The following GPC6 variants were observed in gnomAD, a reference collection of about 807,000 sequenced individuals.
GPC6 encodes glypican 6, also known as glypican-6.
In GPC6, 14 loss-of-function variants were observed where a neutral mutation model predicts 55.2. That is an observed-to-expected ratio of 0.25 (90% confidence interval 0.17 to 0.40). The LOEUF (loss-of-function observed/expected upper bound fraction) is 0.40. GPC6 is among the 10% of genes least tolerant of loss of function. GPC6 has a pLI of 1.00. For missense variants in GPC6, 641 were observed against 708.5 expected (o/e 0.90, Z 1.08); for synonymous variants, 278 against 259.6 (o/e 1.07, Z -0.68).
At chr13:93,638,165 T>C (rs1270886573) in intron 2 of GPC6, among the ~76,000 whole-genome samples, 1 of 152,098 alleles carries the variant, frequency 6.6e-6, no homozygotes, top group Non-Finnish European at 1.5e-5. Flanking sequence ...AATGTTCTTA[T>C]CACACTGCTG....
At chr13:93,507,094 C>A (rs1475574043) in intron 1 of GPC6, among the ~76,000 whole-genome samples, 2 of 142,266 alleles carry the variant, frequency 1.4e-5, no homozygotes, top group Non-Finnish European at 3.0e-5. Flanking sequence ...AAAAAAAGCC[C>A]GGAGTATATT....
intron 2 of GPC6, among the ~76,000 whole-genome samples, chr13:93,765,289 G>GTCTGGAAAGACAACTTTCCAGATAAA (rs1885089355): frequency 6.9e-5 from 8 of 115,762 alleles, no homozygotes; most frequent in African/African-American, 1.7e-4. Context: ...TTCCAGATAA[G>GTCTGGAAAGACAACTTTCCAGATAAA]CTGTCTGGAA....
At position 93,871,989 on chromosome 13, in the gene GPC6, A is replaced by C. The variant is rs546956593; in HGVS notation, c.711+41444A>C. Among the ~76,000 whole-genome samples the C allele has an allele frequency of 4.6e-5, 7 of 152,116 alleles. 1 individual carries two copies. In the South Asian group the frequency reaches 1.0e-3, roughly 22 times the overall value. On this transcript the variant is annotated intron_variant, in intron 3 of 8. Coordinates refer to ENST00000377047, the MANE Select transcript of GPC6 (RefSeq NM_005708.5). ...CTAGATAAGAGGCACAAAAGAAATAAATAAAACAAGTTTTCAGACTGATTG... is the reference window on the plus strand; with the variant it reads ...CTAGATAAGAGGCACAAAAGAAATACATAAAACAAGTTTTCAGACTGATTG...
chr13:94,331,120 A>G (rs1028195603), intron 6 of GPC6, among the ~76,000 whole-genome samples: 45 of 152,196 alleles, frequency 3.0e-4, no homozygotes, highest in African/African-American at 1.0e-3. Flanking sequence ...GGACTAGTAC[A>G]ATAGGTAAAC....
chr13:94,221,515 C>T (rs576889224), intron 4 of GPC6, among the ~76,000 whole-genome samples: 19 of 152,204 alleles, frequency 1.2e-4, no homozygotes, highest in African/African-American at 4.6e-4. Context: ...AAAGGCATTA[C>T]CTGAGATTAA....
At chr13:94,246,563 C>T (rs1454108743) in intron 4 of GPC6, among the ~76,000 whole-genome samples, 1 of 152,004 alleles carries the variant, frequency 6.6e-6, no homozygotes, top group East Asian at 1.9e-4. Flanking sequence ...GTCCAATTTC[C>T]TTCTTTGGTA....
intron 4 of GPC6, among the ~76,000 whole-genome samples, chr13:94,212,097 A>G (rs1890098284): frequency 6.6e-6 from 1 of 152,210 alleles, no homozygotes. Flanking sequence ...CTGCCCATCG[A>G]CTAAACATGG....
intron 3 of GPC6, among the ~76,000 whole-genome samples, chr13:93,834,880 T>A (rs1887675156): frequency 6.6e-6 from 1 of 152,162 alleles, no homozygotes; most frequent in South Asian, 2.1e-4. Context: ...TGTGGGCACC[T>A]TGACAGAATG....
intron 1 of GPC6, among the ~76,000 whole-genome samples, chr13:93,298,074 C>T (rs139263079): frequency 6.6e-6 from 1 of 152,208 alleles, no homozygotes; most frequent in Non-Finnish European, 1.5e-5. Context: ...TCCAGAGTCA[C>T]ACATTCTGAC....
intron 6 of GPC6, among the ~76,000 whole-genome samples, chr13:94,349,994 T>C (rs1325592118): frequency 1.3e-5 from 2 of 152,114 alleles, no homozygotes; most frequent in Admixed American, 6.6e-5. Flanking sequence ...ACTTCTTTGA[T>C]TCCTCAATGC....
intron 3 of GPC6, among the ~76,000 whole-genome samples, chr13:93,939,230 T>C (rs1446487494): frequency 1.3e-5 from 2 of 151,524 alleles, no homozygotes; most frequent in African/African-American, 4.8e-5. Flanking sequence ...ATAGTTTAGA[T>C]TGTCAAAAAA....
chr13:93,395,404 A>G (rs1245006596), intron 1 of GPC6: 7 of 294,392 alleles, frequency 2.4e-5, no homozygotes. Context: ...AATCACGGCC[A>G]TCAAAAGTTA....
intron 4 of GPC6, among the ~76,000 whole-genome samples, chr13:94,268,829 T>C (rs1594114326): frequency 6.6e-6 from 1 of 151,902 alleles, no homozygotes; most frequent in African/African-American, 2.4e-5. Context: ...ATTTCATGAC[T>C]CTTATTATAA....
At chr13:94,340,328 C>T (rs1246657654) in intron 6 of GPC6, among the ~76,000 whole-genome samples, 2 of 151,250 alleles carry the variant, frequency 1.3e-5, no homozygotes, top group East Asian at 1.9e-4. Flanking sequence ...AAGAACATTC[C>T]CAAAAATTTA....
intron 4 of GPC6, among the ~76,000 whole-genome samples, chr13:94,167,686 T>C (rs761689417): frequency 1.8e-4 from 28 of 151,940 alleles, no homozygotes; most frequent in Non-Finnish European, 3.8e-4. Context: ...CGTGCAATCA[T>C]GGAAATATGA....
intron 2 of GPC6, among the ~76,000 whole-genome samples, chr13:93,676,117 AAAAAAAAAAAT>A (rs1881586635): frequency 1.2e-4 from 2 of 16,912 alleles, no homozygotes; most frequent in African/African-American, 2.7e-4. Flanking sequence ...AAAAAAAAAA[AAAAAAAAAAAT>A]ATATATATAT....
At chr13:94,104,980 T>G (rs1261063844) in intron 4 of GPC6, among the ~76,000 whole-genome samples, 1 of 152,086 alleles carries the variant, frequency 6.6e-6, no homozygotes, top group African/African-American at 2.4e-5. Context: ...AAAGTTCATA[T>G]GGAACCAAAA....
intron 3 of GPC6, among the ~76,000 whole-genome samples, chr13:93,977,742 A>G (rs1005576039): frequency 6.6e-6 from 1 of 152,132 alleles, no homozygotes; most frequent in Admixed American, 6.6e-5. Context: ...GCATTGGTAC[A>G]TATCTTTGTC....
At chr13:93,527,911 A>G (rs946537239) in intron 1 of GPC6, among the ~76,000 whole-genome samples, 1 of 152,104 alleles carries the variant, frequency 6.6e-6, no homozygotes, top group Non-Finnish European at 1.5e-5. Flanking sequence ...TGTACCATAG[A>G]TCTTGTGACA....
Sources: allele counts gnomAD v4.1 joint callset (sites outside exome capture counted in the v4.1 genomes callset), GRCh38; gene constraint gnomAD v4.1.1; transcripts MANE v1.5; gene names NCBI Gene and HGNC (gene_info 2026-07-23, HGNC 2026-07-21).